Variants in ATP9B observed in about 807,000 individuals in gnomAD.
ATP9B encodes the protein probable phospholipid-transporting ATPase IIB.
In ATP9B, 110 loss-of-function variants were observed where a neutral mutation model predicts 146.1. The observed-to-expected ratio is 0.75, with a 90% CI of 0.65 to 0.88. The LOEUF (loss-of-function observed/expected upper bound fraction) is 0.88, where lower values mean the gene tolerates loss of function less well. Ranked by LOEUF, ATP9B falls within the 40% of genes least tolerant of loss-of-function variation. ATP9B has a pLI of 0.00. For missense variants in ATP9B, 1,499 were observed against 1,496.4 expected (o/e 1.00, Z -0.03); for synonymous variants, 604 against 569.7 (o/e 1.06, Z -0.86).
chr18:79,139,026 C>T (rs1156779753), intron 5 of ATP9B, among the ~76,000 whole-genome samples: 2 of 152,142 alleles, frequency 1.3e-5, no homozygotes. Flanking sequence ...CATGATTGTG[C>T]CACTATACTC....
chr18:79,166,630 T>C (rs562512475), intron 7 of ATP9B, among the ~76,000 whole-genome samples: 32 of 152,312 alleles, frequency 2.1e-4, no homozygotes, highest in Middle Eastern at 6.8e-3. Context: ...CCCTGAATTG[T>C]GAGAGGTCTC....
At chr18:79,315,717 A>G (rs1373939590) in intron 15 of ATP9B, among the ~76,000 whole-genome samples, 1 of 152,176 alleles carries the variant, frequency 6.6e-6, no homozygotes. Context: ...CTCATATGAT[A>G]TTACTTCTGG....
chr18:79,332,354 G>C (rs180913205), intron 17 of ATP9B, among the ~76,000 whole-genome samples: 3 of 152,194 alleles, frequency 2.0e-5, no homozygotes, highest in Admixed American at 1.3e-4. Context: ...GCGTGAACCC[G>C]GGAGGCAGAG....
rs747731990 is a variant in ATP9B, at chr18:79,348,095, A to G, written c.2839-37A>G. ...GCTTGGGGCCACAGGTGCTCGTGGA[A>G]CTGACAGTTGTCTTCGTCTGTGGGC... is the stretch of plus-strand genomic sequence containing the variant. On this transcript the variant is annotated intron_variant, in intron 24 of 29. Transcript: ENST00000426216. 4.3e-6 allele frequency: 7 copies of G among 1,612,194 alleles called. No individual in the cohort carries two copies. The African/African-American group carries it at 6.7e-5, about 15-fold the overall frequency.
At chr18:79,186,828 T>C (rs2095312478) in intron 8 of ATP9B, among the ~76,000 whole-genome samples, 1 of 152,238 alleles carries the variant, frequency 6.6e-6, no homozygotes, top group Admixed American at 6.5e-5. Context: ...ATTTGGAAAC[T>C]AGCCTGCACG....
At chr18:79,356,097 C>T (rs951541948) in intron 25 of ATP9B, among the ~76,000 whole-genome samples, 1 of 152,212 alleles carries the variant, frequency 6.6e-6, no homozygotes, top group South Asian at 2.1e-4. Context: ...CAGAGACGGC[C>T]ACCCTGTGTG....
rs1304941017 is a variant in ATP9B at position 79,072,718 on chromosome 18, ACCAGGCGGC to A, written c.119+3190_119+3198del. ...GTGGGGGCGCCCCCCCACCTCCCAG[ACCAGGCGGC>A]TGCTGGGCGGGGGCGCCCCCCACCT... On this transcript the variant is annotated intron_variant, in intron 1 of 29. Transcript: ENST00000426216. 1.5e-3 allele frequency among the ~76,000 whole-genome samples: 134 copies of A among 87,106 alleles called. 5 individuals are homozygous for A. In the South Asian group the frequency reaches 0.06, roughly 39 times the overall value. The allele number at this position is 87,106 out of a possible 152,430, so 57.1% of individuals were successfully genotyped here.
chr18:79,131,424 A>G (rs895079344), intron 5 of ATP9B, among the ~76,000 whole-genome samples: 1 of 152,224 alleles, frequency 6.6e-6, no homozygotes, highest in Non-Finnish European at 1.5e-5. Context: ...ATGTGAAACG[A>G]CAGTCAGTCA....
intron 13 of ATP9B, among the ~76,000 whole-genome samples, chr18:79,286,848 A>G (rs1321917086): frequency 2.0e-5 from 3 of 152,164 alleles, no homozygotes; most frequent in East Asian, 1.9e-4. Flanking sequence ...AATTTTATCA[A>G]ATTCATTTCT....
intron 11 of ATP9B, among the ~76,000 whole-genome samples, chr18:79,244,890 T>TTAA (rs1283826023): frequency 6.6e-6 from 1 of 152,222 alleles, no homozygotes; most frequent in Non-Finnish European, 1.5e-5. Flanking sequence ...TCTCTTAAAG[T>TTAA]TTTATGACTC....
intron 1 of ATP9B, among the ~76,000 whole-genome samples, 158 bp downstream of exon 1, chr18:79,069,687 C>G (rs1232588444): frequency 1.3e-5 from 2 of 152,204 alleles, no homozygotes; most frequent in Non-Finnish European, 2.9e-5. Flanking sequence ...CGCGCCGCAG[C>G]TGTGGCGTCC....
At chr18:79,194,726 G>A (rs1334776042) in intron 9 of ATP9B, 1 of 152,196 alleles carries the variant, frequency 6.6e-6, no homozygotes, top group African/African-American at 2.4e-5. Context: ...TTAATCTGTA[G>A]CTCATGTTTA....
intron 15 of ATP9B, among the ~76,000 whole-genome samples, chr18:79,327,465 G>A (rs577359551): frequency 5.3e-5 from 8 of 151,802 alleles, no homozygotes; most frequent in East Asian, 1.9e-4. Context: ...CATGGTTAGC[G>A]TGTTCTCCGT....
At chr18:79,177,406 T>C (rs2147953891) in intron 8 of ATP9B, among the ~76,000 whole-genome samples, 1 of 152,078 alleles carries the variant, frequency 6.6e-6, no homozygotes, top group East Asian at 1.9e-4. Context: ...CAGCCAGTTC[T>C]TAATTTTTTT....
intron 15 of ATP9B, among the ~76,000 whole-genome samples, chr18:79,312,527 T>A (rs1317750148): frequency 6.6e-6 from 1 of 152,170 alleles, no homozygotes; most frequent in African/African-American, 2.4e-5. Flanking sequence ...TGGGTGGGCA[T>A]CCCTCTCCGT....
intron 26 of ATP9B, among the ~76,000 whole-genome samples, chr18:79,370,441 C>T (rs2097062565): frequency 2.0e-5 from 3 of 152,202 alleles, no homozygotes; most frequent in South Asian, 4.1e-4. Context: ...GAGTGACAGA[C>T]ATCTTCATCT....
intron 24 of ATP9B, 21 bp from the exon 25 acceptor site, chr18:79,348,111 G>A (rs777628303): frequency 1.9e-6 from 3 of 1,613,610 alleles, no homozygotes; most frequent in African/African-American, 1.3e-5. Flanking sequence ...AGTTGTCTTC[G>A]TCTGTGGGCT....
intron 4 of ATP9B, among the ~76,000 whole-genome samples, chr18:79,116,732 T>C (rs1373639754): frequency 2.9e-5 from 2 of 69,450 alleles, no homozygotes; most frequent in African/African-American, 5.7e-5. Flanking sequence ...TGAGATCACA[T>C]GGACACAGGA....
intron 15 of ATP9B, among the ~76,000 whole-genome samples, chr18:79,321,558 T>C (rs532413918): frequency 5.3e-5 from 8 of 152,116 alleles, no homozygotes; most frequent in Non-Finnish European, 1.2e-4. Flanking sequence ...TATGTTTAAT[T>C]TTATATTATC....
Sources: allele counts gnomAD v4.1 joint callset (sites outside exome capture counted in the v4.1 genomes callset), GRCh38; gene constraint gnomAD v4.1.1; transcripts MANE v1.5; gene names NCBI Gene and HGNC (gene_info 2026-07-23, HGNC 2026-07-21).